The following WNT2 variants were observed in gnomAD, a reference collection of about 807,000 sequenced individuals.
WNT2 encodes the protein Wnt family member 2.
In WNT2, 12 loss-of-function variants were observed where a neutral mutation model predicts 36.9. The ratio of observed to expected loss-of-function variants is 0.33; its 90% CI spans 0.21 to 0.53. The LOEUF (loss-of-function observed/expected upper bound fraction) is 0.53, where lower values mean the gene tolerates loss of function less well. Among genes scored for constraint, WNT2 ranks in the 20% least tolerant of loss-of-function variants. The pLI is 0.95. For synonymous variants in WNT2, 163 were observed against 174.6 expected (o/e 0.93, Z 0.52); for missense variants, 379 against 473.1 (o/e 0.80, Z 1.84).
intron 3 of WNT2, among the ~76,000 whole-genome samples, chr7:117,312,303 A>G (rs1795137407): frequency 6.6e-6 from 1 of 152,122 alleles, no homozygotes; most frequent in Admixed American, 6.5e-5. Flanking sequence ...ATAGCTGGGA[A>G]TAGTAGCTGA....
In WNT2 at chr7:117,278,130, A is replaced by G. The variant is rs1221569278; in HGVS notation, c.*25T>C. 1 of 1,611,368 alleles carries G rather than the reference A, an allele frequency of 6.2e-7. No individual in the cohort carries two copies. The highest frequency in any genetic ancestry group is 1.1e-5 in the South Asian group (1 of 90,960). On this transcript the variant is annotated 3_prime_UTR_variant, in exon 5 of 5. Transcript: ENST00000265441. ...TCCAATGGAGTCCTTGTAGAAGGGAAGGTGGATGGTGACGCCTGCTGGGGT... is the reference window on the plus strand; with the variant it reads ...TCCAATGGAGTCCTTGTAGAAGGGAGGGTGGATGGTGACGCCTGCTGGGGT...
chr7:117,314,216 A>G (rs1795172459), intron 3 of WNT2, among the ~76,000 whole-genome samples: 1 of 152,206 alleles, frequency 6.6e-6, no homozygotes, highest in Non-Finnish European at 1.5e-5. Context: ...TTCCACACAA[A>G]AGCATCAAGT....
chr7:117,283,758 C>T (rs1290467964), intron 4 of WNT2, among the ~76,000 whole-genome samples: 2 of 152,316 alleles, frequency 1.3e-5, no homozygotes, highest in East Asian at 3.9e-4. Flanking sequence ...GGAACAAAGC[C>T]TCTGGCAATA....
chr7:117,295,439 T>C (rs1003646841), intron 4 of WNT2, among the ~76,000 whole-genome samples: 1 of 152,178 alleles, frequency 6.6e-6, no homozygotes, highest in Admixed American at 6.5e-5. Context: ...CAAGAATAAC[T>C]TAGTAACTTG....
intron 4 of WNT2, 57 bp downstream of exon 4, chr7:117,297,555 G>A (rs1794817028): frequency 1.9e-6 from 3 of 1,550,924 alleles, no homozygotes; most frequent in Admixed American, 1.8e-5. Context: ...CATTTAAATT[G>A]TGGAGTATCA....
At chr7:117,293,130 A>T (rs73714624) in intron 4 of WNT2, among the ~76,000 whole-genome samples, 7,811 of 152,122 alleles carry the variant, frequency 0.051, 590 homozygotes, top group African/African-American at 0.16. Flanking sequence ...AAATGATGAA[A>T]AACAGAGAAA....
At chr7:117,321,899 C>T (rs892002702) in intron 1 of WNT2, among the ~76,000 whole-genome samples, 1 of 152,228 alleles carries the variant, frequency 6.6e-6, no homozygotes, top group Non-Finnish European at 1.5e-5. Flanking sequence ...CCCATCAGCG[C>T]ATTGCCTTGC....
chr7:117,310,280 C>T (rs1795095985), intron 3 of WNT2, among the ~76,000 whole-genome samples: 1 of 152,120 alleles, frequency 6.6e-6, no homozygotes, highest in Non-Finnish European at 1.5e-5. Context: ...TTGAGACTCT[C>T]CAGGCTGGGT....
Position 117,276,128 on chromosome 7 carries a change from T to A in WNT2, c.*2027A>T, listed in dbSNP as rs979773339. ...ATGGAGCATTGGGCAATGCCTGATA[T>A]GTGCACCAATCCCTTCGCCTCTCTT... On this transcript the variant is annotated 3_prime_UTR_variant, in exon 5 of 5. Transcript: ENST00000265441. Among the ~76,000 whole-genome samples, 1 of 152,200 alleles carries A rather than the reference T, an allele frequency of 6.6e-6. No homozygotes were observed. The highest frequency in any genetic ancestry group is 2.4e-5 in the African/African-American group (1 of 41,446).
At chr7:117,316,139 C>T (rs991524860) in intron 2 of WNT2, among the ~76,000 whole-genome samples, 3 of 152,098 alleles carry the variant, frequency 2.0e-5, no homozygotes, top group Non-Finnish European at 4.4e-5. Flanking sequence ...ACAAATTTAC[C>T]GCCTATAATT....
chr7:117,281,264 G>T (rs1180918156), intron 4 of WNT2, among the ~76,000 whole-genome samples: 1 of 152,094 alleles, frequency 6.6e-6, no homozygotes, highest in Non-Finnish European at 1.5e-5. Flanking sequence ...TTGAGACAGG[G>T]TCTCACTCTG....
chr7:117,282,962 G>C (rs1794516604), intron 4 of WNT2, among the ~76,000 whole-genome samples: 2 of 152,186 alleles, frequency 1.3e-5, no homozygotes, highest in Admixed American at 1.3e-4. Flanking sequence ...ACTGAGTGGA[G>C]ACTGGGGGAG....
chr7:117,287,788 G>T (rs1480169401), intron 4 of WNT2, among the ~76,000 whole-genome samples: 3 of 152,072 alleles, frequency 2.0e-5, no homozygotes, highest in Non-Finnish European at 4.4e-5. Flanking sequence ...AGGAGTTCAA[G>T]ACCAGCCTGG....
chr7:117,310,546 G>A (rs1263192355), intron 3 of WNT2, among the ~76,000 whole-genome samples: 1 of 131,872 alleles, frequency 7.6e-6, no homozygotes, highest in Non-Finnish European at 1.5e-5. Flanking sequence ...TTGTGCCACC[G>A]CACTCCAGCC....
intron 3 of WNT2, among the ~76,000 whole-genome samples, chr7:117,314,626 G>C (rs1267401939): frequency 5.9e-5 from 9 of 152,218 alleles, no homozygotes. Context: ...CCTAAATCTA[G>C]AAGAAGCCAA....
Position 117,282,298 on chromosome 7 carries a change from C to G in WNT2, c.854-3914G>C, listed in dbSNP as rs992369132. ...GTGCTGTACACATGGAATGTGGGCA[C>G]TCTTCTGCATTTCATATTTCAATAA... On this transcript the variant is annotated intron_variant, in intron 4 of 4. Transcript: ENST00000265441. Among the ~76,000 whole-genome samples, 6 of 151,816 alleles carry G rather than the reference C, an allele frequency of 4.0e-5. 1 individual carries two copies. The highest frequency in any genetic ancestry group is 6.6e-5 in the Admixed American group (1 of 15,262).
At chr7:117,287,285 C>T (rs1048683522) in intron 4 of WNT2, among the ~76,000 whole-genome samples, 2 of 152,148 alleles carry the variant, frequency 1.3e-5, no homozygotes, top group Non-Finnish European at 2.9e-5. Flanking sequence ...GTGGAGGTTG[C>T]AGTGAGCCAA....
chr7:117,276,202 C>G lies in WNT2; in HGVS notation c.*1953G>C, dbSNP rs568821931. Among the ~76,000 whole-genome samples the G allele has an allele frequency of 1.3e-5, 2 of 152,334 alleles. No individual in the cohort carries two copies. Among genetic ancestry groups the G allele is most frequent in the African/African-American group, 4.8e-5 (2 of 41,578 alleles). ...GGAAGCTGAGATGTCTCCTAAGATC[C>G]TTTCCAATTTGAAACACAGCCTGGA... is the stretch of plus-strand genomic sequence containing the variant. On this transcript the variant is annotated 3_prime_UTR_variant, in exon 5 of 5. Transcript: ENST00000265441.
intron 4 of WNT2, among the ~76,000 whole-genome samples, chr7:117,292,234 T>C (rs377358111): frequency 4.4e-4 from 67 of 152,174 alleles, no homozygotes; most frequent in African/African-American, 1.5e-3. Context: ...CCTCACCCCA[T>C]AAAGTTCCCA....
Sources: gnomAD v4.1 joint callset for allele counts (sites outside exome capture counted in the v4.1 genomes callset) on GRCh38, gnomAD v4.1.1 for gene constraint, MANE v1.5 for transcripts, NCBI Gene and HGNC (gene_info 2026-07-23, HGNC 2026-07-21) for gene names.